Variants in NELL2 observed in about 807,000 individuals in gnomAD.
NELL2 encodes the protein protein kinase C-binding protein NELL2.
A neutral mutation model predicts 109.6 loss-of-function variants in NELL2; 41 were observed. The ratio of observed to expected loss-of-function variants is 0.37; its 90% CI spans 0.29 to 0.49. The LOEUF (loss-of-function observed/expected upper bound fraction) is 0.49. Ranked by LOEUF, NELL2 falls within the 20% of genes least tolerant of loss-of-function variation. The pLI is 0.98. For missense variants in NELL2, 900 were observed against 1,008.3 expected (o/e 0.89, Z 1.45); for synonymous variants, 355 against 344.7 (o/e 1.03, Z -0.33).
chr12:44,621,013 C>G (rs552694069), intron 13 of NELL2, among the ~76,000 whole-genome samples: 1 of 152,276 alleles, frequency 6.6e-6, no homozygotes, highest in Non-Finnish European at 1.5e-5. Context: ...CAAGGCACCA[C>G]ATCCTCATTA....
intron 15 of NELL2, among the ~76,000 whole-genome samples, chr12:44,593,283 C>T (rs1278325606): frequency 2.0e-5 from 3 of 152,018 alleles, no homozygotes; most frequent in Admixed American, 6.6e-5. Flanking sequence ...GAGATGATTA[C>T]ATGTATAATC....
At chr12:44,781,767 A>G (rs1941968779) in intron 3 of NELL2, among the ~76,000 whole-genome samples, 1 of 152,060 alleles carries the variant, frequency 6.6e-6, no homozygotes, top group Non-Finnish European at 1.5e-5. Context: ...ACAAAAGCAA[A>G]AAGAGCTGTA....
chr12:44,521,961 G>T, intron 18 of NELL2, 39 bp downstream of exon 18: 8 of 1,603,268 alleles, frequency 5.0e-6, no homozygotes, highest in Non-Finnish European at 6.8e-6. Flanking sequence ...TTAGATTCTG[G>T]GCCTAAATTT....
At chr12:44,644,073 T>C (rs1400496938) in intron 13 of NELL2, among the ~76,000 whole-genome samples, 1 of 152,152 alleles carries the variant, frequency 6.6e-6, no homozygotes, top group Non-Finnish European at 1.5e-5. Context: ...CAGTTACTAC[T>C]GTTACAAAAG....
intron 15 of NELL2, among the ~76,000 whole-genome samples, chr12:44,535,417 T>C (rs1407512264): frequency 6.6e-6 from 1 of 152,054 alleles, no homozygotes; most frequent in Non-Finnish European, 1.5e-5. Flanking sequence ...TCAGTATTTA[T>C]TGAATGCATT....
chr12:44,588,056 C>A (rs577742528), intron 15 of NELL2, among the ~76,000 whole-genome samples: 1 of 151,280 alleles, frequency 6.6e-6, no homozygotes, highest in Non-Finnish European at 1.5e-5. Context: ...GAGGCTGAGG[C>A]GGGAGAATGG....
At chr12:44,693,753 T>TTTGACATAGCTAAA (rs1948973466) in intron 12 of NELL2, among the ~76,000 whole-genome samples, 1 of 152,200 alleles carries the variant, frequency 6.6e-6, no homozygotes, top group Non-Finnish European at 1.5e-5. Context: ...CAAGTTCAAA[T>TTTGACATAGCTAAA]TTAGCTATGT....
At chr12:44,768,924 T>C (rs1316684505) in intron 9 of NELL2, among the ~76,000 whole-genome samples, 3 of 152,292 alleles carry the variant, frequency 2.0e-5, no homozygotes, top group Admixed American at 6.5e-5. Flanking sequence ...AATAGCTATG[T>C]TTACTGGTTA....
At chr12:44,564,093 A>G (rs1027061387) in intron 15 of NELL2, among the ~76,000 whole-genome samples, 1 of 152,222 alleles carries the variant, frequency 6.6e-6, no homozygotes, top group African/African-American at 2.4e-5. Context: ...CCCTTTTCAT[A>G]TTTATCCAGC....
At chr12:44,674,273 T>A (rs1948235707) in intron 12 of NELL2, among the ~76,000 whole-genome samples, 1 of 152,116 alleles carries the variant, frequency 6.6e-6, no homozygotes, top group Non-Finnish European at 1.5e-5. Context: ...ATCCAAGATA[T>A]ATTTACATGA....
chr12:44,768,521 CT>C (rs56832219), intron 9 of NELL2, among the ~76,000 whole-genome samples: 33,670 of 151,692 alleles, frequency 0.22, 3,904 homozygotes, highest in South Asian at 0.27. Context: ...TAAAAGTGTT[CT>C]AATTCTATGA....
At chr12:44,647,068 A>G (rs535508157) in intron 13 of NELL2, among the ~76,000 whole-genome samples, 1 of 152,346 alleles carries the variant, frequency 6.6e-6, no homozygotes. Context: ...AAACTTCCAC[A>G]GTGCAATAGC....
intron 2 of NELL2, among the ~76,000 whole-genome samples, chr12:44,863,710 T>A (rs1399536057): frequency 6.6e-6 from 1 of 152,152 alleles, no homozygotes; most frequent in Admixed American, 6.6e-5. Flanking sequence ...CATGAAAACA[T>A]CTGAAATATA....
chr12:44,687,136 G>A (rs1948746406), intron 12 of NELL2, among the ~76,000 whole-genome samples: 1 of 152,226 alleles, frequency 6.6e-6, no homozygotes, highest in African/African-American at 2.4e-5. Context: ...CGTCGGAAAT[G>A]CGCAGTATTC....
chr12:44,893,217 T>G (rs1172039846), intron 1 of NELL2, among the ~76,000 whole-genome samples: 1 of 152,192 alleles, frequency 6.6e-6, no homozygotes, highest in Non-Finnish European at 1.5e-5. Context: ...TTTCCTGGTT[T>G]GTGGCAGCAG....
At chr12:44,730,854 A>T (rs1939331741) in intron 9 of NELL2, among the ~76,000 whole-genome samples, 1 of 152,114 alleles carries the variant, frequency 6.6e-6, no homozygotes, top group Non-Finnish European at 1.5e-5. Flanking sequence ...TTTTAAAAAG[A>T]TCAACAACAT....
chr12:44,831,276 T>C (rs183778063), intron 2 of NELL2, among the ~76,000 whole-genome samples: 3 of 152,148 alleles, frequency 2.0e-5, no homozygotes. Flanking sequence ...GACCCCACCA[T>C]GCTTGTGTCT....
intron 13 of NELL2, among the ~76,000 whole-genome samples, chr12:44,661,130 T>C (rs923825273): frequency 1.3e-5 from 2 of 152,192 alleles, no homozygotes; most frequent in South Asian, 2.1e-4. Context: ...AAGCCTCAGA[T>C]GAGCATGCAT....
intron 9 of NELL2, among the ~76,000 whole-genome samples, chr12:44,773,760 G>T (rs1941642298): frequency 6.6e-6 from 1 of 152,130 alleles, no homozygotes. Flanking sequence ...CTTATGAGAC[G>T]GACTGGCTTC....
Sources: allele counts gnomAD v4.1 joint callset (sites outside exome capture counted in the v4.1 genomes callset), GRCh38; gene constraint gnomAD v4.1.1; transcripts MANE v1.5; gene names NCBI Gene and HGNC (gene_info 2026-07-23, HGNC 2026-07-21).